The following GIT2 variants were observed in gnomAD, a reference collection of about 807,000 sequenced individuals.
GIT2 encodes GIT ArfGAP 2, also known as ARF GTPase-activating protein GIT2.
Under a neutral mutation model 100.3 loss-of-function variants are expected in GIT2, and 32 were observed. The observed-to-expected ratio is 0.32, with a 90% CI of 0.24 to 0.43. The LOEUF is 0.43. GIT2 is among the 20% of genes least tolerant of loss of function. The pLI is 1.00. For synonymous variants in GIT2, 353 were observed against 364.1 expected (o/e 0.97, Z 0.35); for missense variants, 737 against 975.1 (o/e 0.76, Z 3.25).
At chr12:109,941,059 A>T (rs1874535615) in intron 16 of GIT2, among the ~76,000 whole-genome samples, 1 of 151,950 alleles carries the variant, frequency 6.6e-6, no homozygotes, top group Non-Finnish European at 1.5e-5. Flanking sequence ...CTATCCCCAT[A>T]CACTCTTCTG....
intron 1 of GIT2, 25 bp from the exon 2 acceptor site, chr12:109,991,785 G>C: frequency 6.2e-7 from 1 of 1,602,436 alleles, no homozygotes; most frequent in Non-Finnish European, 8.5e-7. Context: ...AAATCTCAGT[G>C]GCAGGGATAC....
chr12:109,970,337 CA>C (rs1883539458), intron 7 of GIT2, among the ~76,000 whole-genome samples: 1 of 151,922 alleles, frequency 6.6e-6, no homozygotes, highest in Admixed American at 6.6e-5. Context: ...ACTAAAAATA[CA>C]AAAAATTACC....
At chr12:109,998,733 G>A (rs974291455), upstream of GIT2, 4 of 152,188 alleles carry the variant, frequency 2.6e-5, no homozygotes, top group African/African-American at 9.7e-5. Flanking sequence ...CCGGTTCGGA[G>A]TTCAAATAGA....
chr12:109,951,058 T>G (rs748279074), intron 14 of GIT2, 109 bp downstream of exon 14: 251 of 927,450 alleles, frequency 2.7e-4, no homozygotes, highest in Non-Finnish European at 4.0e-4. Flanking sequence ...TTTCTAAGGC[T>G]GTTACAATAA....
upstream of GIT2, chr12:109,999,806 C>T (rs545085009): frequency 2.8e-4 from 432 of 1,518,902 alleles, no homozygotes; most frequent in Non-Finnish European, 3.6e-4. The surrounding 1 kb of genome is among the most constrained non-coding windows in gnomAD (Gnocchi z 4.3). Flanking sequence ...GGCGGGGGTC[C>T]GTCTCCCGGT....
rs532441816 is a variant in GIT2 at position 109,971,035 on chromosome 12, C to T, written c.719-3532G>A. The stretch of plus-strand genomic sequence containing the variant: ...TCCTGGGCTCAAGTAGTCCTCCCGC[C>T]GTGGCCTCCCAAAGTGCTGGGATTA... On this transcript the variant is annotated intron_variant, in intron 7 of 19. Coordinates refer to ENST00000355312, the MANE Select transcript of GIT2 (RefSeq NM_057169.5). 2.6e-5 allele frequency among the ~76,000 whole-genome samples: 4 copies of T among 152,360 alleles called. No homozygotes were observed. The South Asian group carries it at 8.3e-4, about 32-fold the overall frequency.
intron 7 of GIT2, among the ~76,000 whole-genome samples, chr12:109,969,256 C>A (rs1002300115): frequency 6.7e-6 from 1 of 149,862 alleles, no homozygotes; most frequent in Non-Finnish European, 1.5e-5. Flanking sequence ...CAACCTCTGC[C>A]TCCCGGGTTC....
Position 109,948,933 on chromosome 12 carries a change from T to C in GIT2, c.1393-1429A>G. The C allele has an allele frequency of 1.2e-6, 1 of 844,758 alleles. No individual in the cohort carries two copies. The highest frequency in any genetic ancestry group is 1.9e-6 in the Non-Finnish European group (1 of 521,640). The allele number at this position is 844,758 out of a possible 1,614,324, so 52.3% of individuals were successfully genotyped here. ...AACTTTACCCAACTTTGAAATATAA[T>C]CAATACATCTTTGCTAAATAAACAA... On this transcript the variant is annotated intron_variant, in intron 14 of 19. Transcript: ENST00000355312. The surrounding 1 kb of genome is among the most constrained non-coding windows in gnomAD (Gnocchi z 4.3).
intron 7 of GIT2, 164 bp downstream of exon 7, chr12:109,980,788 T>C: frequency 1.6e-6 from 1 of 626,820 alleles, no homozygotes; most frequent in South Asian, 1.9e-5. Context: ...ATCTTTTACA[T>C]GTAACTGACA....
At chr12:109,987,850 A>G (rs1366545420) in intron 4 of GIT2, among the ~76,000 whole-genome samples, 1 of 152,222 alleles carries the variant, frequency 6.6e-6, no homozygotes, top group Non-Finnish European at 1.5e-5. Flanking sequence ...CGCTTTGAAA[A>G]TATGCACATT....
At chr12:109,953,020 C>T in intron 13 of GIT2, 72 bp downstream of exon 13, 1 of 1,494,958 alleles carries the variant, frequency 6.7e-7, no homozygotes, top group East Asian at 2.3e-5. Context: ...AACCTCACTG[C>T]ACAGCAGCTT....
At chr12:109,996,945 C>G (rs575205571), upstream of GIT2, among the ~76,000 whole-genome samples, 3 of 152,052 alleles carry the variant, frequency 2.0e-5, no homozygotes, top group South Asian at 6.2e-4. Flanking sequence ...GGCGCGGTGG[C>G]TCACGCCTGT....
chr12:109,951,095 AC>A, intron 14 of GIT2, 71 bp downstream of exon 14: 1 of 1,316,492 alleles, frequency 7.6e-7, no homozygotes, highest in Admixed American at 1.7e-5. Context: ...GGACCACATC[AC>A]AGTGCCTGAG....
intron 1 of GIT2, among the ~76,000 whole-genome samples, chr12:109,995,558 G>A (rs1323046153): frequency 6.6e-6 from 1 of 152,204 alleles, no homozygotes; most frequent in Non-Finnish European, 1.5e-5. Context: ...CCCAAGGTCA[G>A]CCAGAAGCAA....
At chr12:109,965,469 A>G in intron 9 of GIT2, 57 bp downstream of exon 9, 1 of 942,874 alleles carries the variant, frequency 1.1e-6, no homozygotes, top group East Asian at 2.4e-5. Context: ...CAGAGTAGGT[A>G]TCAGCAGGGT....
intron 1 of GIT2, among the ~76,000 whole-genome samples, chr12:109,992,743 C>T (rs1040629358): frequency 7.2e-5 from 11 of 152,230 alleles, no homozygotes; most frequent in Non-Finnish European, 1.5e-4. Context: ...GCAATCTCGG[C>T]TCACTGCAAC....
At chr12:109,976,994 T>C (rs1885238562) in intron 7 of GIT2, among the ~76,000 whole-genome samples, 1 of 152,186 alleles carries the variant, frequency 6.6e-6, no homozygotes, top group African/African-American at 2.4e-5. Flanking sequence ...TTGTTTTTCT[T>C]TCATTCCTAA....
intron 6 of GIT2, chr12:109,982,638 CTTTTTTTTTTTTT>C (rs555052169): frequency 7.9e-6 from 1 of 126,486 alleles, no homozygotes; most frequent in South Asian, 2.5e-4. Flanking sequence ...ACAGTGAGCA[CTTTTTTTTTTTTT>C]TTTTTTTGAG....
At position 109,930,722 on chromosome 12, in the gene GIT2, T is replaced by A. The variant is rs1482174132; in HGVS notation, c.*2256A>T. ...TCTCTAGGGCCATAAAGGCAACATC[T>A]TCTATTGCAGGTCCTCAAACATTCC... On this transcript the variant is annotated 3_prime_UTR_variant, in exon 20 of 20. Transcript: ENST00000355312. 1 of 152,242 alleles carries A rather than the reference T, an allele frequency of 6.6e-6. No individual in the cohort carries two copies. The highest frequency in any genetic ancestry group is 1.9e-4 in the East Asian group (1 of 5,196). 9.4% of individuals were successfully genotyped at this position (152,242 alleles called of 1,614,324 possible).
Sources: gnomAD v4.1 joint callset for allele counts (sites outside exome capture counted in the v4.1 genomes callset) on GRCh38, gnomAD v4.1.1 for gene constraint, Gnocchi (gnomAD v3.1) non-coding constraint, MANE v1.5 for transcripts, NCBI Gene and HGNC (gene_info 2026-07-23, HGNC 2026-07-21) for gene names.